The following PTPRD variants were observed in gnomAD, a reference collection of about 807,000 sequenced individuals.
The protein encoded by PTPRD is protein tyrosine phosphatase receptor type D, also known as receptor-type tyrosine-protein phosphatase delta.
A neutral mutation model predicts 214.5 loss-of-function variants in PTPRD; 34 were observed. The observed-to-expected ratio is 0.16, with a 90% CI of 0.12 to 0.21. PTPRD has a LOEUF of 0.21. Among genes scored for constraint, PTPRD ranks in the 10% least tolerant of loss-of-function variants. The pLI, the probability that PTPRD is intolerant of heterozygous loss-of-function variation, is 1.00. For missense variants in PTPRD, 2,545 were observed against 2,398.7 expected (o/e 1.06, Z -1.27); for synonymous variants, 1,128 against 845.7 (o/e 1.33, Z -5.79).
chr9:9,601,158 G>C (rs2093735614), intron 7 of PTPRD, among the ~76,000 whole-genome samples: 1 of 147,338 alleles, frequency 6.8e-6, no homozygotes, highest in African/African-American at 2.5e-5. Context: ...TGTATGGGGG[G>C]GGGAGAGTGG....
chr9:8,708,598 G>A (rs934525757), intron 12 of PTPRD, among the ~76,000 whole-genome samples: 4 of 141,278 alleles, frequency 2.8e-5, no homozygotes, highest in Non-Finnish European at 6.0e-5. Context: ...AGAATCACTT[G>A]AACTTGGGAG....
chr9:9,864,348 G>GT (rs969153028), intron 5 of PTPRD, among the ~76,000 whole-genome samples: 1 of 151,198 alleles, frequency 6.6e-6, no homozygotes, highest in African/African-American at 2.4e-5. Flanking sequence ...AAAAAGTTTT[G>GT]TGGGATATAC....
At chr9:9,344,622 T>C (rs2048132197) in intron 9 of PTPRD, among the ~76,000 whole-genome samples, 1 of 152,106 alleles carries the variant, frequency 6.6e-6, no homozygotes, top group Non-Finnish European at 1.5e-5. Flanking sequence ...AGATAAAAGA[T>C]ATCTAGAAGG....
At chr9:10,537,927 G>A (rs776442659) in intron 2 of PTPRD, among the ~76,000 whole-genome samples, 33 of 152,080 alleles carry the variant, frequency 2.2e-4, no homozygotes, top group Middle Eastern at 3.4e-3. Context: ...CAACCCAGTC[G>A]AACTGAATTA....
chr9:8,427,112 T>C (rs1401673898), intron 35 of PTPRD, among the ~76,000 whole-genome samples: 1 of 152,172 alleles, frequency 6.6e-6, no homozygotes, highest in Non-Finnish European at 1.5e-5. Context: ...AAAGACAGCA[T>C]GTTCTCAGAT....
chr9:8,410,009 T>A (rs1400771831), intron 35 of PTPRD, among the ~76,000 whole-genome samples: 1 of 152,204 alleles, frequency 6.6e-6, no homozygotes, highest in Non-Finnish European at 1.5e-5. Flanking sequence ...TCTGAGATAT[T>A]CTCAAGTCCT....
intron 11 of PTPRD, among the ~76,000 whole-genome samples, chr9:8,891,283 G>A (rs937704277): frequency 5.9e-5 from 9 of 151,494 alleles, no homozygotes; most frequent in Non-Finnish European, 1.2e-4. Context: ...ACAGGCACCC[G>A]CCACCACGCC....
At chr9:9,528,510 T>G (rs1259310790) in intron 8 of PTPRD, among the ~76,000 whole-genome samples, 2 of 152,126 alleles carry the variant, frequency 1.3e-5, no homozygotes, top group African/African-American at 2.4e-5. Context: ...TGTCATTGAG[T>G]TCCCAGGAAA....
At chr9:8,481,995 CT>C (rs1266477627) in intron 30 of PTPRD, among the ~76,000 whole-genome samples, 1 of 151,908 alleles carries the variant, frequency 6.6e-6, no homozygotes, top group African/African-American at 2.4e-5. Flanking sequence ...TTTGGTCAGT[CT>C]GGTCTCGAAC....
At chr9:8,328,738 T>C (rs948183908) in intron 44 of PTPRD, among the ~76,000 whole-genome samples, 3 of 152,124 alleles carry the variant, frequency 2.0e-5, no homozygotes, top group African/African-American at 7.2e-5. Context: ...TTTTTACTCT[T>C]TTCTCTAATC....
chr9:9,994,510 T>A (rs1390889132), intron 4 of PTPRD, among the ~76,000 whole-genome samples: 1 of 152,082 alleles, frequency 6.6e-6, no homozygotes, highest in Non-Finnish European at 1.5e-5. Context: ...AGATGCCCAA[T>A]AAATGACTGT....
chr9:8,347,385 A>G (rs2074151846), intron 39 of PTPRD, among the ~76,000 whole-genome samples: 1 of 152,092 alleles, frequency 6.6e-6, no homozygotes, highest in Non-Finnish European at 1.5e-5. Flanking sequence ...CTGAGTGCCT[A>G]CCATGTGCTG....
rs368680265 is a variant in PTPRD at position 8,776,535 on chromosome 9, C to T, written c.-103-42589G>A. ...CCGGTCTCGAACTCCTGGGCTCAAG[C>T]GATCTGCCGGCCTCCCAAAGTGCTG... is the stretch of plus-strand genomic sequence containing the variant. On this transcript the variant is annotated intron_variant, in intron 11 of 45. Coordinates refer to ENST00000381196, the MANE Select transcript of PTPRD (RefSeq NM_002839.4). 1.2e-3 allele frequency among the ~76,000 whole-genome samples: 177 copies of T among 150,674 alleles called. 1 individual carries two copies. The highest frequency in any genetic ancestry group is 4.1e-3 in the African/African-American group (166 of 40,368).
intron 35 of PTPRD, among the ~76,000 whole-genome samples, chr9:8,416,866 T>C (rs184097354): frequency 2.0e-5 from 3 of 152,118 alleles, no homozygotes; most frequent in East Asian, 1.9e-4. Context: ...GATAAAGAAA[T>C]TGAGGCATAG....
At chr9:8,398,836 G>A (rs747635438) in intron 36 of PTPRD, among the ~76,000 whole-genome samples, 2 of 152,032 alleles carry the variant, frequency 1.3e-5, no homozygotes, top group Non-Finnish European at 2.9e-5. Flanking sequence ...GAACTACGAG[G>A]AATAAATTTG....
intron 37 of PTPRD, among the ~76,000 whole-genome samples, chr9:8,382,090 T>C (rs150764305): frequency 6.6e-6 from 1 of 152,332 alleles, no homozygotes; most frequent in East Asian, 1.9e-4. Context: ...TTGACTCCAG[T>C]GTCACCTCTT....
At chr9:9,882,031 T>A (rs1185310559) in intron 5 of PTPRD, among the ~76,000 whole-genome samples, 1 of 152,138 alleles carries the variant, frequency 6.6e-6, no homozygotes, top group African/African-American at 2.4e-5. Context: ...CTTTGCAAGT[T>A]CTTCAATATC....
At chr9:9,503,415 T>G (rs1364220972) in intron 8 of PTPRD, among the ~76,000 whole-genome samples, 1 of 151,690 alleles carries the variant, frequency 6.6e-6, no homozygotes, top group East Asian at 1.9e-4. Context: ...AAGATCTGTT[T>G]CTCACACTAC....
At chr9:10,016,691 A>G (rs1359057837) in intron 4 of PTPRD, among the ~76,000 whole-genome samples, 1 of 149,198 alleles carries the variant, frequency 6.7e-6, no homozygotes, top group Non-Finnish European at 1.5e-5. Context: ...TTTCCACAGA[A>G]TTTTGTTCTG....
Sources: gnomAD v4.1 joint callset for allele counts (sites outside exome capture counted in the v4.1 genomes callset) on GRCh38, gnomAD v4.1.1 for gene constraint, MANE v1.5 for transcripts, NCBI Gene and HGNC (gene_info 2026-07-23, HGNC 2026-07-21) for gene names.